SLC36A2: variants seen among roughly 807,000 people sequenced by gnomAD.
SLC36A2 encodes the protein solute carrier family 36 member 2, also known as proton-coupled amino acid transporter 2.
In SLC36A2, 39 loss-of-function variants were observed where a neutral mutation model predicts 42.7. The observed-to-expected ratio is 0.91, with a 90% CI of 0.71 to 1.19. SLC36A2 has a LOEUF of 1.19. Among genes scored for constraint, SLC36A2 ranks in the 50% most tolerant of loss-of-function variants. SLC36A2 has a pLI of 0.00. For missense variants in SLC36A2, 590 were observed against 613.7 expected, an observed-to-expected ratio of 0.96 and a Z score of 0.41; for synonymous variants, 237 against 240.8, an observed-to-expected ratio of 0.98 and a Z score of 0.15.
At chr5:151,335,573 AG>A in intron 5 of SLC36A2, 26 bp from the exon 6 acceptor site, 1 of 1,523,820 alleles carries the variant, frequency 6.6e-7, no homozygotes, top group Non-Finnish European at 9.1e-7. Context: ...GAGAGGCAAA[AG>A]GGGGAGATGA....
intron 6 of SLC36A2, among the ~76,000 whole-genome samples, chr5:151,334,826 GT>G (rs747597708): frequency 1.4e-4 from 21 of 151,602 alleles, no homozygotes; most frequent in African/African-American, 3.9e-4. Context: ...TTTGCTTATA[GT>G]TTTTTTTTAA....
chr5:151,341,902 C>T (rs900535701), intron 4 of SLC36A2, among the ~76,000 whole-genome samples: 6 of 152,196 alleles, frequency 3.9e-5, no homozygotes, highest in Admixed American at 3.9e-4. Context: ...TTCCTTGTCT[C>T]CCAATCCCAG....
At chr5:151,343,421 G>A in intron 3 of SLC36A2, 89 bp downstream of exon 3, 2 of 1,351,840 alleles carry the variant, frequency 1.5e-6, no homozygotes, top group East Asian at 2.3e-5. Context: ...AAACTAAGAA[G>A]TAAATTTCTA....
chr5:151,347,211 G>T (rs538534961), intron 1 of SLC36A2, 86 bp downstream of exon 1: 4 of 1,517,600 alleles, frequency 2.6e-6, no homozygotes, highest in Non-Finnish European at 3.7e-6. Flanking sequence ...GTGGGTTGAG[G>T]GTCAGACACA....
At chr5:151,324,380 T>C (rs1427408287) in intron 8 of SLC36A2, among the ~76,000 whole-genome samples, 1 of 151,996 alleles carries the variant, frequency 6.6e-6, no homozygotes, top group Non-Finnish European at 1.5e-5. Flanking sequence ...TTGCCCAGGC[T>C]GGAGTTCAAT....
At chr5:151,318,202 A>G (rs757401783) in intron 9 of SLC36A2, among the ~76,000 whole-genome samples, 8 of 152,042 alleles carry the variant, frequency 5.3e-5, no homozygotes, top group Non-Finnish European at 1.0e-4. Context: ...AATAATCTTT[A>G]TGCTACCGAG....
At chr5:151,318,851 A>AT (rs1487711547) in intron 9 of SLC36A2, among the ~76,000 whole-genome samples, 1 of 152,066 alleles carries the variant, frequency 6.6e-6, no homozygotes, top group Non-Finnish European at 1.5e-5. Flanking sequence ...TTGAAATTAT[A>AT]TTTTTTTAGC....
intron 7 of SLC36A2, among the ~76,000 whole-genome samples, chr5:151,332,227 A>G (rs1756018760): frequency 6.6e-6 from 1 of 152,208 alleles, no homozygotes; most frequent in South Asian, 2.1e-4. Flanking sequence ...AGACAAGAAT[A>G]AGAAAAAATA....
At chr5:151,318,013 AT>A (rs1037971080) in intron 9 of SLC36A2, among the ~76,000 whole-genome samples, 12 of 152,202 alleles carry the variant, frequency 7.9e-5, no homozygotes, top group African/African-American at 1.9e-4. Flanking sequence ...TTCAGATAAA[AT>A]TTGTTAAACA....
At chr5:151,328,358 T>C (rs1211723691) in intron 7 of SLC36A2, among the ~76,000 whole-genome samples, 1 of 151,944 alleles carries the variant, frequency 6.6e-6, no homozygotes, top group Non-Finnish European at 1.5e-5. Flanking sequence ...TGGTGGTGAG[T>C]TTCCTGATTT....
chr5:151,318,599 T>C (rs895763438), intron 9 of SLC36A2, among the ~76,000 whole-genome samples: 2 of 145,966 alleles, frequency 1.4e-5, no homozygotes, highest in African/African-American at 2.5e-5. Flanking sequence ...TATAAAAATA[T>C]AATAAATATA....
intron 7 of SLC36A2, among the ~76,000 whole-genome samples, chr5:151,329,626 A>G (rs1450515385): frequency 6.6e-6 from 1 of 152,164 alleles, no homozygotes; most frequent in Non-Finnish European, 1.5e-5. Flanking sequence ...ACAAATGGAA[A>G]TATTATAACT....
In SLC36A2 at chr5:151,344,214, A is replaced by C. The variant is rs369302604; in HGVS notation, c.218T>G (p.Leu73Arg). The C allele has an allele frequency of 6.2e-7, 1 of 1,614,188 alleles. No homozygotes were observed. Among genetic ancestry groups the C allele is most frequent in the Admixed American group, 1.7e-5 (1 of 60,026 alleles). The change falls in exon 2 of 10, where the codon CTG becomes CGG. Residue 73 changes from leucine (L) to arginine (R), a missense_variant. Physicochemically the swap from Leu to Arg is moderately radical, Grantham distance 102. Coordinates refer to ENST00000335244, the MANE Select transcript of SLC36A2 (RefSeq NM_181776.3). ...LVKGNMGTGI[L>R]GLPLAVKNAG... ...GTTCTTCACAGCGAGGGGTAGTCCC[A>C]GGATCCCTGTGCCCATGTTGCCTTT...
intron 5 of SLC36A2, chr5:151,338,530 G>A (rs1427237926): frequency 6.5e-6 from 1 of 153,944 alleles, no homozygotes; most frequent in Non-Finnish European, 1.4e-5. Context: ...AAAAAAATTA[G>A]CCAGACATGG....
In SLC36A2 at chr5:151,347,407, C is replaced by T. The variant is rs758902791; in HGVS notation, c.54G>A (p.Leu18=). 3.6e-5 allele frequency: 58 copies of T among 1,614,224 alleles called. No homozygotes were observed. The East Asian group carries it at 1.3e-3, about 35-fold the overall frequency. Residue 18 remains leucine, a synonymous_variant, in exon 1 of 10, where the codon TTG becomes TTA. Transcript: ENST00000335244. The stretch of plus-strand genomic sequence containing the variant: ...CACTTTCAGGAGGCGACATAAGGTC[C>T]AATTTGATGGCAACGGCTCCCTGGG... The part of the protein sequence containing the change: ...EGPQGAVAIK[L]DLMSPPESAK...
chr5:151,333,014 T>C (rs1239975801), intron 7 of SLC36A2, among the ~76,000 whole-genome samples: 5 of 152,210 alleles, frequency 3.3e-5, no homozygotes, highest in African/African-American at 1.2e-4. Context: ...AAAATAAAAC[T>C]GTCTCCTGAC....
Position 151,316,800 on chromosome 5 carries a change from A to G in SLC36A2, c.*17T>C, listed in dbSNP as rs773952435. 5 of 1,607,034 alleles carry G rather than the reference A, an allele frequency of 3.1e-6. No homozygotes were observed. The South Asian group carries it at 5.5e-5, about 18-fold the overall frequency. On this transcript the variant is annotated 3_prime_UTR_variant, in exon 10 of 10. Coordinates refer to ENST00000335244, the MANE Select transcript of SLC36A2 (RefSeq NM_181776.3). ...AATTAAAAGTCGGGTGCTGGTAGGCAAGGAGCAGTGCCAGGCTCACCGAAC... is the reference window on the plus strand; with the variant it reads ...AATTAAAAGTCGGGTGCTGGTAGGCGAGGAGCAGTGCCAGGCTCACCGAAC...
intron 6 of SLC36A2, among the ~76,000 whole-genome samples, chr5:151,333,983 G>T (rs1373958543): frequency 6.6e-6 from 1 of 152,132 alleles, no homozygotes; most frequent in Non-Finnish European, 1.5e-5. Flanking sequence ...ATAATCTAAG[G>T]AGCCCAAAGT....
intron 9 of SLC36A2, chr5:151,318,958 C>T (rs746670983): frequency 6.5e-6 from 1 of 154,542 alleles, no homozygotes; most frequent in Non-Finnish European, 1.4e-5. Context: ...GAGCAGGCCT[C>T]CTTTGGAGGA....
Sources: gnomAD v4.1 joint callset for allele counts (sites outside exome capture counted in the v4.1 genomes callset) on GRCh38, gnomAD v4.1.1 for gene constraint, MANE v1.5 for transcripts, NCBI Gene and HGNC (gene_info 2026-07-23, HGNC 2026-07-21) for gene names.